Variants in MEF2D observed in about 807,000 individuals in gnomAD.
The protein encoded by MEF2D is myocyte enhancer factor 2D.
In MEF2D, 10 loss-of-function variants were observed where a neutral mutation model predicts 59.3. The ratio of observed to expected loss-of-function variants is 0.17; its 90% CI spans 0.10 to 0.29. MEF2D has a LOEUF of 0.29. Among genes scored for constraint, MEF2D ranks in the 10% least tolerant of loss-of-function variants. The pLI, the probability that MEF2D is intolerant of heterozygous loss-of-function variation, is 1.00. For synonymous variants in MEF2D, 305 were observed against 295.0 expected (o/e 1.03, Z -0.35); for missense variants, 508 against 699.4 (o/e 0.73, Z 3.09).
rs761401121 is a variant in MEF2D at position 156,468,240 on chromosome 1, A to T, written c.1307T>A (p.Ile436Asn). 1.0e-5 allele frequency: 16 copies of T among 1,598,588 alleles called. No homozygotes were observed. Among genetic ancestry groups the T allele is most frequent in the Non-Finnish European group, 1.3e-5 (15 of 1,170,512 alleles). ...AALTVTTHPH[I>N]SIKSEPVSPS... ...GGACACCGGTTCTGACTTGATGCTG[A>T]TGTGGGGGTGGGTGGTGACTGTGAG... The change falls in exon 11 of 12, where the codon ATC becomes AAC. Residue 436 changes from isoleucine to asparagine, a missense_variant. By Grantham distance (149) the Ile-to-Asn change is moderately radical. Transcript: ENST00000348159. The surrounding 1 kb of genome is among the most constrained non-coding windows in gnomAD (Gnocchi z 4.3).
At chr1:156,485,522 CTTTTTT>C (rs60165062) in intron 1 of MEF2D, among the ~76,000 whole-genome samples, 13 of 131,778 alleles carry the variant, frequency 9.9e-5, no homozygotes, top group Admixed American at 3.0e-4. Flanking sequence ...TCTCCTTCTT[CTTTTTT>C]TTTTTTTTTT....
intron 6 of MEF2D, among the ~76,000 whole-genome samples, chr1:156,477,902 A>G (rs933096545): frequency 2.6e-5 from 4 of 152,252 alleles, no homozygotes; most frequent in Non-Finnish European, 1.5e-5. Context: ...TATCTTTTAT[A>G]TCTGCTCCAT....
chr1:156,469,103 G>A, intron 9 of MEF2D, 83 bp from the exon 10 acceptor site: 3 of 1,505,878 alleles, frequency 2.0e-6, no homozygotes, highest in East Asian at 2.3e-5. Flanking sequence ...CAGGAGGACT[G>A]TGGGGATGAG....
rs1273183908 is a variant in MEF2D at position 156,500,302 on chromosome 1, C to T, written c.-139+184G>A. Among the ~76,000 whole-genome samples the T allele has an allele frequency of 2.6e-5, 4 of 152,324 alleles. No individual in the cohort carries two copies. The Middle Eastern group carries it at 0.014, about 518-fold the overall frequency. On this transcript the variant is annotated intron_variant, in intron 1 of 11. Transcript: ENST00000348159. ...GACAGACTCCCTGACACAAACAGTC[C>T]CCTAGGTAATCCCCGCCAACGCCAC...
intron 1 of MEF2D, chr1:156,499,620 C>T (rs1444577701): frequency 6.6e-6 from 1 of 152,090 alleles, no homozygotes; most frequent in Non-Finnish European, 1.5e-5. Context: ...TCTCCTTGGC[C>T]CATCCTCCCA....
rs1208179347 is a variant in MEF2D, at chr1:156,483,222, C to G, written c.54+17G>C. 3 of 1,613,866 alleles carry G rather than the reference C, an allele frequency of 1.9e-6. No individual in the cohort carries two copies. The highest frequency in any genetic ancestry group is 2.5e-6 in the Non-Finnish European group (3 of 1,179,872). ...CCCTGCCCTCACCCACTTCGTACGGCTCTAGGACTTCCCTACCTGTCGGTT... is the reference window on the plus strand; with the variant it reads ...CCCTGCCCTCACCCACTTCGTACGGGTCTAGGACTTCCCTACCTGTCGGTT... On this transcript the variant is annotated intron_variant, in intron 2 of 11. Transcript: ENST00000348159.
At chr1:156,486,813 C>A (rs1158036415) in intron 1 of MEF2D, among the ~76,000 whole-genome samples, 2 of 152,348 alleles carry the variant, frequency 1.3e-5, no homozygotes, top group Non-Finnish European at 1.5e-5. Context: ...AAGAAGGGAG[C>A]TGAGAAAATG....
At chr1:156,467,689 AG>A in intron 11 of MEF2D, 33 bp from the exon 12 acceptor site, 1 of 1,348,652 alleles carries the variant, frequency 7.4e-7, no homozygotes, top group South Asian at 2.6e-5. Flanking sequence ...AGGGGGTGTG[AG>A]GGGGTGGCCC....
chr1:156,494,663 G>T (rs1673025474), intron 1 of MEF2D, among the ~76,000 whole-genome samples: 1 of 152,224 alleles, frequency 6.6e-6, no homozygotes, highest in African/African-American at 2.4e-5. Flanking sequence ...TGGGGCTGAA[G>T]GTCTGAGAGA....
chr1:156,494,259 C>T (rs992797967), intron 1 of MEF2D, among the ~76,000 whole-genome samples: 1 of 152,074 alleles, frequency 6.6e-6, no homozygotes, highest in East Asian at 1.9e-4. Flanking sequence ...CCAAGCCCCA[C>T]TCTCCTCACT....
At chr1:156,489,298 A>G (rs1354026373) in intron 1 of MEF2D, among the ~76,000 whole-genome samples, 1 of 151,900 alleles carries the variant, frequency 6.6e-6, no homozygotes, top group Admixed American at 6.5e-5. Flanking sequence ...GCGCTGGGGG[A>G]GGGGGTGACA....
At chr1:156,498,771 T>A (rs1431094999) in intron 1 of MEF2D, among the ~76,000 whole-genome samples, 3 of 152,142 alleles carry the variant, frequency 2.0e-5, no homozygotes, top group Non-Finnish European at 4.4e-5. Context: ...ATGCCTATGC[T>A]GGGGCAAGTG....
At chr1:156,495,438 C>T (rs1260121162) in intron 1 of MEF2D, among the ~76,000 whole-genome samples, 1 of 152,174 alleles carries the variant, frequency 6.6e-6, no homozygotes, top group Non-Finnish European at 1.5e-5. Flanking sequence ...GCTTGGCACA[C>T]AGGAACATAA....
In MEF2D at chr1:156,464,611, T is replaced by G. The variant is rs1365566266; in HGVS notation, c.*3034A>C. On this transcript the variant is annotated 3_prime_UTR_variant, in exon 12 of 12. Coordinates refer to ENST00000348159, the MANE Select transcript of MEF2D (RefSeq NM_005920.4). ...TTGAGAGGAAGAAGACATTAAGTCCTCATCTGAGGTCTGGGTTCCCAGGGA... is the reference window on the plus strand; with the variant it reads ...TTGAGAGGAAGAAGACATTAAGTCCGCATCTGAGGTCTGGGTTCCCAGGGA... 1 of 152,184 alleles carries G rather than the reference T, an allele frequency of 6.6e-6. No homozygotes were observed. Among genetic ancestry groups the G allele is most frequent in the African/African-American group, 2.4e-5 (1 of 41,432 alleles). 9.4% of individuals were successfully genotyped at this position (152,184 alleles called of 1,614,324 possible).
chr1:156,476,003 C>T (rs1671550213), intron 8 of MEF2D, among the ~76,000 whole-genome samples: 1 of 152,138 alleles, frequency 6.6e-6, no homozygotes, highest in African/African-American at 2.4e-5. Flanking sequence ...CAAGTCCAGC[C>T]TGGGCCTGGG....
chr1:156,478,181 GA>G (rs1671741924), intron 6 of MEF2D, among the ~76,000 whole-genome samples: 1 of 152,168 alleles, frequency 6.6e-6, no homozygotes, highest in African/African-American at 2.4e-5. Flanking sequence ...TCTCCTTGAA[GA>G]GGGTGACATA....
intron 9 of MEF2D, among the ~76,000 whole-genome samples, chr1:156,469,478 A>G (rs1281183815): frequency 6.6e-6 from 1 of 151,916 alleles, no homozygotes; most frequent in East Asian, 1.9e-4. Context: ...GGCTGGTCTC[A>G]AACTCCTGAC....
At chr1:156,490,607 C>T (rs1000096003) in intron 1 of MEF2D, 1 of 152,386 alleles carries the variant, frequency 6.6e-6, no homozygotes, top group Admixed American at 6.5e-5. Flanking sequence ...CCCAGGCACC[C>T]TAAGAACTCA....
intron 11 of MEF2D, 127 bp from the exon 12 acceptor site, chr1:156,467,783 T>C: frequency 9.1e-7 from 1 of 1,096,408 alleles, no homozygotes; most frequent in Non-Finnish European, 1.3e-6. Flanking sequence ...GGGGAAGAAG[T>C]CATCGAGCAG....
Sources: gnomAD v4.1 joint callset for allele counts (sites outside exome capture counted in the v4.1 genomes callset) on GRCh38, gnomAD v4.1.1 for gene constraint, Gnocchi (gnomAD v3.1) non-coding constraint, MANE v1.5 for transcripts, NCBI Gene and HGNC (gene_info 2026-07-23, HGNC 2026-07-21) for gene names.